The following MED12L variants were observed in gnomAD, a reference collection of about 807,000 sequenced individuals.
MED12L encodes mediator of RNA polymerase II transcription subunit 12-like protein.
Under a neutral mutation model 281.3 loss-of-function variants are expected in MED12L, and 60 were observed. That is an observed-to-expected ratio of 0.21 (90% CI 0.17 to 0.26). The LOEUF (loss-of-function observed/expected upper bound fraction) is 0.26, where lower values mean the gene tolerates loss of function less well. MED12L is among the 10% of genes least tolerant of loss of function. The pLI is 1.00. For missense variants in MED12L, 2,146 were observed against 2,680.9 expected, an observed-to-expected ratio of 0.80 and a Z score of 4.41; for synonymous variants, 974 against 987.2, an observed-to-expected ratio of 0.99 and a Z score of 0.25.
At chr3:151,246,563 G>A (rs1217143905) in intron 16 of MED12L, among the ~76,000 whole-genome samples, 2 of 152,212 alleles carry the variant, frequency 1.3e-5, no homozygotes, top group Admixed American at 1.3e-4. Flanking sequence ...AAACTGGCTA[G>A]CCATATGTAG....
intron 16 of MED12L, 38 bp from the exon 17 acceptor site, chr3:151,350,021 G>T: frequency 6.3e-7 from 1 of 1,594,624 alleles, no homozygotes; most frequent in Non-Finnish European, 8.6e-7. Context: ...CCCCACCCCT[G>T]CAGACAAGAG....
In MED12L at chr3:151,378,096, C is replaced by T. The variant is rs774473439; in HGVS notation, c.4401C>T (p.Ala1467=). The T allele has an allele frequency of 2.4e-5, 39 of 1,611,342 alleles. No individual in the cohort carries two copies. The highest frequency in any genetic ancestry group is 6.7e-5 in the Admixed American group (4 of 59,742). ...CTGTGCAAGGAAGAGTGCTGAAAGCCGCTGGGGAAGAGCTGGAGAAGGGAC... is the reference window on the plus strand; with the variant it reads ...CTGTGCAAGGAAGAGTGCTGAAAGCTGCTGGGGAAGAGCTGGAGAAGGGAC... ...PTSVQGRVLK[A]AGEELEKGQH... The change falls in exon 31 of 45, where the codon GCC becomes GCT. Residue 1467 remains alanine, a synonymous_variant. Transcript: ENST00000687756.
chr3:151,436,435 C>T lies in MED12L; in HGVS notation c.*3631C>T, dbSNP rs547353601. On this transcript the variant is annotated 3_prime_UTR_variant, in exon 45 of 45. Coordinates refer to ENST00000687756, the MANE Select transcript of MED12L (RefSeq NM_001393769.1). ...TTTGTTATTTTATAGTGAACCGTTT[C>T]AATGTTTGTTTATTGTTATTTGTTG... is the stretch of plus-strand genomic sequence containing the variant. 8 of 349,262 alleles carry T rather than the reference C, an allele frequency of 2.3e-5. No individual in the cohort carries two copies. The highest frequency in any genetic ancestry group is 8.9e-4 in the Middle Eastern group (1 of 1,126). The allele number at this position is 349,262 out of a possible 1,614,324, so 21.6% of individuals were successfully genotyped here. A position where few individuals can be genotyped will look rare whatever the true frequency, so the allele number is the denominator to read the frequency against.
intron 16 of MED12L, among the ~76,000 whole-genome samples, chr3:151,260,829 C>A (rs1344831710): frequency 6.6e-6 from 1 of 152,064 alleles, no homozygotes; most frequent in East Asian, 1.9e-4. Flanking sequence ...ACTGTTCCTG[C>A]CTTAGTTGTA....
At chr3:151,416,975 T>C (rs1717638299) in intron 43 of MED12L, among the ~76,000 whole-genome samples, 1 of 152,220 alleles carries the variant, frequency 6.6e-6, no homozygotes, top group Admixed American at 6.5e-5. Flanking sequence ...ACCTCAGTCA[T>C]TTACAACAGC....
Position 151,188,346 on chromosome 3 carries a change from A to T in MED12L, c.1627-8A>T, listed in dbSNP as rs1280035418. 1 of 1,587,872 alleles carries T rather than the reference A, an allele frequency of 6.3e-7. No homozygotes were observed. The highest frequency in any genetic ancestry group is 8.6e-7 in the Non-Finnish European group (1 of 1,159,136). On this transcript the variant is annotated splice_region_variant and splice_polypyrimidine_tract_variant and intron_variant, in intron 12 of 44. Coordinates refer to ENST00000687756, the MANE Select transcript of MED12L (RefSeq NM_001393769.1). Reference sequence around the variant, plus strand: ...TAATTAACTTTGTTATTTATTTTTAATCTGTAGAGATGTGGTGAATCAGAA... The same window carrying T: ...TAATTAACTTTGTTATTTATTTTTATTCTGTAGAGATGTGGTGAATCAGAA...
chr3:151,323,130 C>T (rs535086874), intron 16 of MED12L, among the ~76,000 whole-genome samples: 1 of 152,182 alleles, frequency 6.6e-6, no homozygotes, highest in East Asian at 1.9e-4. Flanking sequence ...TACATGTTAA[C>T]CACATGTTTT....
At chr3:151,408,713 T>G (rs1288277009) in intron 39 of MED12L, among the ~76,000 whole-genome samples, 3 of 152,262 alleles carry the variant, frequency 2.0e-5, no homozygotes, top group African/African-American at 7.2e-5. Context: ...CTTACAAAAT[T>G]TATCGACTAT....
chr3:151,384,880 T>C, intron 35 of MED12L, 150 bp from the exon 36 acceptor site: 1 of 612,986 alleles, frequency 1.6e-6, no homozygotes, highest in Non-Finnish European at 2.9e-6. Flanking sequence ...TATTTGGAAC[T>C]GCCTTGTAGA....
intron 31 of MED12L, among the ~76,000 whole-genome samples, chr3:151,379,103 C>T (rs1341381905): frequency 6.6e-6 from 1 of 152,180 alleles, no homozygotes; most frequent in Non-Finnish European, 1.5e-5. Flanking sequence ...TTGGTAGAGA[C>T]CCAGCATTGT....
At chr3:151,295,230 G>A (rs763074569) in intron 16 of MED12L, 1 of 1,562,752 alleles carries the variant, frequency 6.4e-7, no homozygotes, top group African/African-American at 1.3e-5. Context: ...GAAGTGGGGA[G>A]ATAGGACTTC....
intron 41 of MED12L, 33 bp downstream of exon 41, chr3:151,411,540 G>A (rs201450131): frequency 1.3e-5 from 20 of 1,578,464 alleles, no homozygotes; most frequent in Middle Eastern, 1.7e-4. Flanking sequence ...TGGCAATAAT[G>A]AACAGTCACA....
intron 11 of MED12L, among the ~76,000 whole-genome samples, chr3:151,184,274 T>G (rs2149068588): frequency 6.6e-6 from 1 of 152,338 alleles, no homozygotes; most frequent in African/African-American, 2.4e-5. Flanking sequence ...TCTGGGATTC[T>G]TGGATGGCTT....
intron 5 of MED12L, among the ~76,000 whole-genome samples, chr3:151,151,031 C>CTGTTTTTTTTTTTTTTT (rs1718397799): frequency 3.0e-5 from 1 of 32,880 alleles, no homozygotes. Flanking sequence ...GCTGAAGTAG[C>CTGTTTTTTTTTTTTTTT]TTTTTTTTTT....
chr3:151,162,569 G>A (rs1449846542), intron 8 of MED12L, among the ~76,000 whole-genome samples: 1 of 151,344 alleles, frequency 6.6e-6, no homozygotes, highest in Non-Finnish European at 1.5e-5. Flanking sequence ...CTCCTTAGTA[G>A]CTAGGACTAC....
chr3:151,282,085 A>G (rs187083714), intron 16 of MED12L, among the ~76,000 whole-genome samples: 2 of 152,282 alleles, frequency 1.3e-5, no homozygotes, highest in East Asian at 3.9e-4. Flanking sequence ...AGACAACTTC[A>G]TTGTTACTGC....
intron 39 of MED12L, among the ~76,000 whole-genome samples, chr3:151,400,837 G>A (rs969371629): frequency 1.3e-5 from 2 of 151,988 alleles, no homozygotes; most frequent in African/African-American, 4.8e-5. Flanking sequence ...GACGAGAATA[G>A]AAAAAATGTA....
At chr3:151,132,007 A>T (rs1243931155) in intron 5 of MED12L, among the ~76,000 whole-genome samples, 1 of 152,174 alleles carries the variant, frequency 6.6e-6, no homozygotes, top group Non-Finnish European at 1.5e-5. Context: ...TTTACAGTAT[A>T]TTGCAGTTCA....
chr3:151,120,051 T>C (rs1457827165), intron 3 of MED12L, among the ~76,000 whole-genome samples: 2 of 143,946 alleles, frequency 1.4e-5, no homozygotes, highest in Non-Finnish European at 1.5e-5. Context: ...AAACCCTGTC[T>C]CTACTAAAAA....
Sources: allele counts gnomAD v4.1 joint callset (sites outside exome capture counted in the v4.1 genomes callset), GRCh38; gene constraint gnomAD v4.1.1; transcripts MANE v1.5; gene names NCBI Gene and HGNC (gene_info 2026-07-23, HGNC 2026-07-21).